Variants in VEPH1 observed in about 807,000 individuals in gnomAD.
VEPH1 encodes the protein ventricular zone expressed PH domain containing 1, also known as ventricular zone-expressed PH domain-containing protein homolog 1.
A neutral mutation model predicts 85.2 loss-of-function variants in VEPH1; 80 were observed. The ratio of observed to expected loss-of-function variants is 0.94; its 90% CI spans 0.78 to 1.13. VEPH1 has a LOEUF of 1.13. Ranked by LOEUF, VEPH1 falls within the 50% of genes most tolerant of loss-of-function variation. The pLI, the probability that VEPH1 is intolerant of heterozygous loss-of-function variation, is 0.00. For missense variants in VEPH1, 955 were observed against 980.5 expected (o/e 0.97, Z 0.35); for synonymous variants, 297 against 348.0 (o/e 0.85, Z 1.63).
intron 9 of VEPH1, among the ~76,000 whole-genome samples, chr3:157,341,605 G>C (rs1723568258): frequency 6.6e-6 from 1 of 152,186 alleles, no homozygotes; most frequent in African/African-American, 2.4e-5. Context: ...CACTCTTCAG[G>C]ATATTATCCA....
At chr3:157,492,856 G>A (rs1337316906) in intron 2 of VEPH1, among the ~76,000 whole-genome samples, 1 of 152,144 alleles carries the variant, frequency 6.6e-6, no homozygotes, top group African/African-American at 2.4e-5. Flanking sequence ...ATTTGAAGGA[G>A]AAAGTGAAGT....
intron 11 of VEPH1, among the ~76,000 whole-genome samples, chr3:157,298,655 A>C (rs1718403822): frequency 6.6e-6 from 1 of 152,200 alleles, no homozygotes; most frequent in African/African-American, 2.4e-5. Context: ...GTTGGCTACA[A>C]AGTAGACTGT....
intron 6 of VEPH1, among the ~76,000 whole-genome samples, chr3:157,406,577 T>C (rs1469014203): frequency 6.9e-6 from 1 of 143,920 alleles, no homozygotes; most frequent in Admixed American, 6.7e-5. Context: ...GCCCTGGTGC[T>C]TGGCCAGCAT....
At chr3:157,471,678 G>C (rs948905440) in intron 2 of VEPH1, among the ~76,000 whole-genome samples, 1 of 150,836 alleles carries the variant, frequency 6.6e-6, no homozygotes, top group Non-Finnish European at 1.5e-5. Flanking sequence ...AACTACCCAC[G>C]GTACCTTATA....
chr3:157,427,547 C>T (rs1459452464), intron 5 of VEPH1, among the ~76,000 whole-genome samples: 2 of 152,170 alleles, frequency 1.3e-5, no homozygotes, highest in Non-Finnish European at 2.9e-5. Context: ...CCTCAACTTC[C>T]CTGGCTCAGG....
chr3:157,305,000 G>C (rs1719300375), intron 11 of VEPH1, among the ~76,000 whole-genome samples: 1 of 148,692 alleles, frequency 6.7e-6, no homozygotes. Context: ...TCAGCAGAGA[G>C]AGCCAGGAAA....
At chr3:157,330,762 C>A (rs539725554) in intron 9 of VEPH1, among the ~76,000 whole-genome samples, 1 of 152,294 alleles carries the variant, frequency 6.6e-6, no homozygotes, top group South Asian at 2.1e-4. Context: ...ATCTCCTTCC[C>A]ATGGCAGGTT....
Position 157,292,640 on chromosome 3 carries a change from T to C in VEPH1, c.2011-5966A>G, listed in dbSNP as rs147228655. The stretch of plus-strand genomic sequence containing the variant: ...GTGGGAGGCAGAGGTTGCAGTGAGC[T>C]GAGATCTCACCACTGCACTGCAGTC... On this transcript the variant is annotated intron_variant, in intron 11 of 13. Transcript: ENST00000362010. 7.2e-3 allele frequency among the ~76,000 whole-genome samples: 1,084 copies of C among 151,444 alleles called. 18 individuals are homozygous for C. Among genetic ancestry groups the C allele is most frequent in the African/African-American group, 0.022 (926 of 41,208 alleles).
Position 157,436,919 on chromosome 3 carries a change from T to G in VEPH1, c.530-8431A>C, listed in dbSNP as rs759359298. The G allele has an allele frequency of 3.7e-6, 6 of 1,610,936 alleles. No homozygotes were observed. The African/African-American group carries it at 8.0e-5, about 22-fold the overall frequency. The stretch of plus-strand genomic sequence containing the variant: ...CTCCCGCCAGCTGTGGAAAGAACTT[T>G]GCGTCTCTCCAGCAATGCATCTCCT... On this transcript the variant is annotated intron_variant, in intron 4 of 13. Coordinates refer to ENST00000362010, the MANE Select transcript of VEPH1 (RefSeq NM_001167912.2).
intron 6 of VEPH1, among the ~76,000 whole-genome samples, chr3:157,401,732 A>T (rs79348430): frequency 0.15 from 20,977 of 144,158 alleles, 1,909 homozygotes; most frequent in South Asian, 0.29. Flanking sequence ...TTTTTCCTTA[A>T]TTTTTTTTTT....
chr3:157,414,030 T>C lies in VEPH1; in HGVS notation c.757A>G (p.Ile253Val). The C allele has an allele frequency of 6.2e-7, 1 of 1,613,494 alleles. No individual in the cohort carries two copies. Among genetic ancestry groups the C allele is most frequent in the East Asian group, 2.2e-5 (1 of 44,850 alleles). The change falls in exon 6 of 14, where the codon ATC becomes GTC. Residue 253 changes from isoleucine to valine, a missense_variant. Transcript: ENST00000362010. ...ATCTCTATGAGGATGTTTAGGATGATGTCATTATGGGTTGAATCCTTCAAA... is the reference window on the plus strand; with the variant it reads ...ATCTCTATGAGGATGTTTAGGATGACGTCATTATGGGTTGAATCCTTCAAA... ...GHLKDSTHND[I>V]ILNILIEIAV...
chr3:157,334,494 C>T (rs1016238738), intron 9 of VEPH1, among the ~76,000 whole-genome samples: 4 of 152,148 alleles, frequency 2.6e-5, no homozygotes, highest in Admixed American at 2.6e-4. Context: ...ACAACATGAA[C>T]AGCCATTAAG....
intron 11 of VEPH1, among the ~76,000 whole-genome samples, chr3:157,305,152 C>T (rs1402908164): frequency 7.8e-6 from 1 of 128,970 alleles, no homozygotes; most frequent in Non-Finnish European, 1.6e-5. Flanking sequence ...CTCTGTCGCC[C>T]AGGCTGGAGT....
intron 9 of VEPH1, among the ~76,000 whole-genome samples, chr3:157,362,686 A>T (rs531272664): frequency 1.3e-5 from 2 of 152,316 alleles, no homozygotes; most frequent in South Asian, 4.1e-4. Flanking sequence ...GTTTATTATA[A>T]AATATGCTTT....
At chr3:157,487,821 A>G (rs1301391851) in intron 2 of VEPH1, among the ~76,000 whole-genome samples, 1 of 152,162 alleles carries the variant, frequency 6.6e-6, no homozygotes, top group Non-Finnish European at 1.5e-5. Context: ...TTATCTCAAG[A>G]GGATAGAAAA....
At chr3:157,344,019 G>T (rs1723915276) in intron 9 of VEPH1, among the ~76,000 whole-genome samples, 1 of 152,232 alleles carries the variant, frequency 6.6e-6, no homozygotes, top group Non-Finnish European at 1.5e-5. Flanking sequence ...GTATTGATGG[G>T]ACGTATCTCA....
At chr3:157,312,185 C>G (rs376131366) in intron 11 of VEPH1, among the ~76,000 whole-genome samples, 1 of 152,308 alleles carries the variant, frequency 6.6e-6, no homozygotes. Context: ...AGGACAGACA[C>G]CATGATCATT....
chr3:157,280,309 A>T (rs1329950858), intron 12 of VEPH1, among the ~76,000 whole-genome samples: 1 of 152,132 alleles, frequency 6.6e-6, no homozygotes, highest in African/African-American at 2.4e-5. Flanking sequence ...GGCTTGACTC[A>T]GCTTGTTCTC....
chr3:157,406,300 G>T (rs1409274363), intron 6 of VEPH1, among the ~76,000 whole-genome samples: 1 of 152,020 alleles, frequency 6.6e-6, no homozygotes, highest in Non-Finnish European at 1.5e-5. Context: ...CTTGTAGAAC[G>T]GACCCCAGAT....
Sources: allele counts gnomAD v4.1 joint callset (sites outside exome capture counted in the v4.1 genomes callset), GRCh38; gene constraint gnomAD v4.1.1; transcripts MANE v1.5; gene names NCBI Gene and HGNC (gene_info 2026-07-23, HGNC 2026-07-21).